The following MICU1 variants were observed in gnomAD, a reference collection of about 807,000 sequenced individuals.
MICU1 encodes calcium uptake protein 1, mitochondrial.
A neutral mutation model predicts 56.8 loss-of-function variants in MICU1; 45 were observed. That is an observed-to-expected ratio of 0.79 (90% confidence interval 0.62 to 1.02). MICU1 has a LOEUF of 1.02. Among genes scored for constraint, MICU1 ranks in the 50% least tolerant of loss-of-function variants. The pLI, the probability that MICU1 is intolerant of heterozygous loss-of-function variation, is 0.00. For synonymous variants in MICU1, 186 were observed against 195.1 expected (o/e 0.95, Z 0.39); for missense variants, 504 against 587.1 (o/e 0.86, Z 1.46).
intron 5 of MICU1, among the ~76,000 whole-genome samples, chr10:72,521,934 C>T (rs1368650110): frequency 6.6e-6 from 1 of 152,000 alleles, no homozygotes; most frequent in Non-Finnish European, 1.5e-5. Context: ...ATGTGCATCA[C>T]TTCAAGAGTG....
intron 1 of MICU1, among the ~76,000 whole-genome samples, chr10:72,570,136 G>T (rs540935928): frequency 6.6e-6 from 1 of 152,102 alleles, no homozygotes; most frequent in African/African-American, 2.4e-5. Context: ...GTAAAGACGG[G>T]GTCTTACCAT....
chr10:72,384,033 G>A (rs186049769), intron 10 of MICU1, among the ~76,000 whole-genome samples: 215 of 152,008 alleles, frequency 1.4e-3, no homozygotes, highest in African/African-American at 5.0e-3. Context: ...TTGCTCTGTT[G>A]CTCAGGCTGG....
intron 5 of MICU1, among the ~76,000 whole-genome samples, chr10:72,514,133 T>A (rs1867571510): frequency 6.6e-6 from 1 of 152,160 alleles, no homozygotes; most frequent in Non-Finnish European, 1.5e-5. Flanking sequence ...GTTGAATCCC[T>A]CTAGTCAATT....
At chr10:72,609,181 G>GA in intron 1 of MICU1, among the ~76,000 whole-genome samples, 1 of 152,296 alleles carries the variant, frequency 6.6e-6, no homozygotes, top group East Asian at 1.9e-4. Context: ...TTCAGAGACA[G>GA]AAAGTAGACT....
intron 1 of MICU1, among the ~76,000 whole-genome samples, chr10:72,621,896 G>T (rs2132592793): frequency 6.6e-6 from 1 of 152,024 alleles, no homozygotes; most frequent in Non-Finnish European, 1.5e-5. Context: ...TATTGCAAAA[G>T]GAAACCAAGT....
chr10:72,563,804 T>C (rs1249409643), intron 2 of MICU1, among the ~76,000 whole-genome samples: 3 of 152,180 alleles, frequency 2.0e-5, no homozygotes, highest in African/African-American at 7.2e-5. Context: ...CTTCCAGCCA[T>C]AGAGCGCCTC....
chr10:72,493,539 A>C (rs1274718275), intron 6 of MICU1, among the ~76,000 whole-genome samples: 1 of 152,086 alleles, frequency 6.6e-6, no homozygotes, highest in East Asian at 1.9e-4. Flanking sequence ...CAAAGCCTTG[A>C]CCTGCTGGGC....
chr10:72,592,584 C>T (rs116864302), intron 1 of MICU1, among the ~76,000 whole-genome samples: 6 of 151,996 alleles, frequency 3.9e-5, no homozygotes, highest in East Asian at 3.9e-4. Context: ...AACAAAATAC[C>T]GGCAAACCAA....
At chr10:72,374,855 C>T (rs1045782584) in intron 11 of MICU1, among the ~76,000 whole-genome samples, 1 of 121,550 alleles carries the variant, frequency 8.2e-6, no homozygotes, top group Admixed American at 1.1e-4. Context: ...CTCGCTCTGT[C>T]GCCCAGGCTG....
intron 1 of MICU1, among the ~76,000 whole-genome samples, chr10:72,612,136 G>A (rs3009535): frequency 0.56 from 85,495 of 151,750 alleles, 25,434 homozygotes; most frequent in Non-Finnish European, 0.67. Context: ...ATCTGTGTAT[G>A]TGCTTAATAT....
chr10:72,471,143 G>A (rs1194333821), intron 8 of MICU1, among the ~76,000 whole-genome samples: 1 of 152,068 alleles, frequency 6.6e-6, no homozygotes, highest in Non-Finnish European at 1.5e-5. Flanking sequence ...GGAGTGCAGT[G>A]GCGCAATCTT....
chr10:72,587,319 T>C (rs1841089677), intron 1 of MICU1, among the ~76,000 whole-genome samples: 1 of 151,634 alleles, frequency 6.6e-6, no homozygotes, highest in Admixed American at 6.6e-5. Context: ...AATAAAAAAT[T>C]AGCCAAGCAT....
intron 6 of MICU1, among the ~76,000 whole-genome samples, chr10:72,494,835 C>T (rs1218570326): frequency 6.7e-6 from 1 of 149,594 alleles, no homozygotes; most frequent in Non-Finnish European, 1.5e-5. Flanking sequence ...CACTTCAGCC[C>T]TGATTCTAAA....
chr10:72,432,587 G>C (rs1864576297), intron 8 of MICU1, among the ~76,000 whole-genome samples: 1 of 152,216 alleles, frequency 6.6e-6, no homozygotes, highest in South Asian at 2.1e-4. Context: ...GGAGCTAACA[G>C]ACATGGTGGA....
chr10:72,482,785 G>A (rs955819865), intron 6 of MICU1, among the ~76,000 whole-genome samples: 13 of 150,708 alleles, frequency 8.6e-5, no homozygotes, highest in Non-Finnish European at 1.8e-4. Context: ...GCCCTCGTCT[G>A]GGGGGTACTT....
At chr10:72,566,553 A>G in intron 2 of MICU1, 80 bp downstream of exon 2, 1 of 1,419,126 alleles carries the variant, frequency 7.0e-7, no homozygotes, top group South Asian at 1.4e-5. Context: ...GTTAAGCCAG[A>G]AATCAACTCC....
chr10:72,408,774 G>T (rs374913718), intron 9 of MICU1, among the ~76,000 whole-genome samples: 18 of 152,300 alleles, frequency 1.2e-4, no homozygotes, highest in African/African-American at 3.8e-4. Context: ...GCTTTTTGAG[G>T]CTTAAGCGAA....
chr10:72,464,904 T>C (rs1865743508), intron 8 of MICU1, among the ~76,000 whole-genome samples: 3 of 152,316 alleles, frequency 2.0e-5, no homozygotes, highest in East Asian at 1.9e-4. Flanking sequence ...GGGCAAGATA[T>C]TGGACCTACC....
intron 8 of MICU1, 74 bp downstream of exon 8, chr10:72,475,026 A>G: frequency 7.8e-7 from 1 of 1,285,416 alleles, no homozygotes; most frequent in Non-Finnish European, 1.1e-6. Flanking sequence ...AAATGGAAAG[A>G]ATGCCTATAG....
Sources: gnomAD v4.1 joint callset for allele counts (sites outside exome capture counted in the v4.1 genomes callset) on GRCh38, gnomAD v4.1.1 for gene constraint, MANE v1.5 for transcripts, NCBI Gene and HGNC (gene_info 2026-07-23, HGNC 2026-07-21) for gene names.